Variants in IPO7 observed in about 807,000 individuals in gnomAD.
IPO7 encodes importin 7.
A neutral mutation model predicts 136.4 loss-of-function variants in IPO7; 13 were observed. That is an observed-to-expected ratio of 0.10 (90% CI 0.06 to 0.15). The LOEUF is 0.15. Among genes scored for constraint, IPO7 ranks in the 10% least tolerant of loss-of-function variants. The probability of loss-of-function intolerance (pLI) is 1.00; values close to 1 mark genes in which losing one functional copy is unlikely to be tolerated. For missense variants in IPO7, 857 were observed against 1,240.6 expected (o/e 0.69, Z 4.65); for synonymous variants, 403 against 404.4 (o/e 1.00, Z 0.04).
chr11:9,393,788 A>G (rs1486130918), intron 1 of IPO7, among the ~76,000 whole-genome samples: 1 of 152,178 alleles, frequency 6.6e-6, no homozygotes, highest in Non-Finnish European at 1.5e-5. Context: ...GGGTGTTGAT[A>G]CTCCTAAATG....
chr11:9,432,119 C>A (rs1855302573), intron 16 of IPO7, among the ~76,000 whole-genome samples: 1 of 151,986 alleles, frequency 6.6e-6, no homozygotes, highest in Non-Finnish European at 1.5e-5. Flanking sequence ...AATTCCAATG[C>A]AGATGCTTGT....
At chr11:9,429,378 T>C (rs1321152555) in intron 14 of IPO7, among the ~76,000 whole-genome samples, 182 bp downstream of exon 14, 1 of 152,002 alleles carries the variant, frequency 6.6e-6, no homozygotes, top group Non-Finnish European at 1.5e-5. Flanking sequence ...TAGTGGCATG[T>C]ACCTGTAGTG....
intron 15 of IPO7, 40 bp from the exon 16 acceptor site, chr11:9,430,835 G>C: frequency 6.3e-7 from 1 of 1,588,448 alleles, no homozygotes. Flanking sequence ...TATTTATAAT[G>C]CTTCAGTGAC....
intron 1 of IPO7, chr11:9,392,142 G>A (rs1415160020): frequency 2.7e-6 from 1 of 372,112 alleles, no homozygotes; most frequent in African/African-American, 2.2e-5. Context: ...TGTAGCCAAG[G>A]TAGATGTCAT....
At chr11:9,432,346 C>G (rs561250449) in intron 16 of IPO7, among the ~76,000 whole-genome samples, 1 of 151,836 alleles carries the variant, frequency 6.6e-6, no homozygotes, top group East Asian at 1.9e-4. Context: ...GGAGTGCAGG[C>G]GCGCACCACC....
intron 1 of IPO7, among the ~76,000 whole-genome samples, chr11:9,396,104 T>A (rs1025464513): frequency 4.4e-4 from 67 of 152,026 alleles, no homozygotes; most frequent in African/African-American, 1.6e-3. Flanking sequence ...TAATAAAGTG[T>A]TGAGTGTTGG....
chr11:9,389,765 C>CT (rs779473412), intron 1 of IPO7, among the ~76,000 whole-genome samples: 226 of 144,850 alleles, frequency 1.6e-3, no homozygotes, highest in South Asian at 0.011. Flanking sequence ...GTATATACAC[C>CT]TTTTTTTTTT....
intron 22 of IPO7, among the ~76,000 whole-genome samples, chr11:9,439,783 C>T (rs1219345236): frequency 6.6e-6 from 1 of 152,066 alleles, no homozygotes; most frequent in African/African-American, 2.4e-5. Context: ...CCGTGTTGGC[C>T]AGGGTGGTCT....
chr11:9,406,250 G>T (rs55871422), intron 2 of IPO7, among the ~76,000 whole-genome samples: 1 of 150,694 alleles, frequency 6.6e-6, no homozygotes, highest in Admixed American at 6.6e-5. Context: ...TGATCCTCTC[G>T]CCTCAGCCTT....
chr11:9,441,557 G>C (rs1471284982), intron 23 of IPO7, among the ~76,000 whole-genome samples: 1 of 152,168 alleles, frequency 6.6e-6, no homozygotes, highest in Non-Finnish European at 1.5e-5. Flanking sequence ...TTTGATGCAA[G>C]GTTACAGAAG....
At chr11:9,405,888 T>TGTCTTCCTTC (rs1564994532) in intron 2 of IPO7, among the ~76,000 whole-genome samples, 1 of 151,768 alleles carries the variant, frequency 6.6e-6, no homozygotes, top group Non-Finnish European at 1.5e-5. Flanking sequence ...TCCCTCCTTC[T>TGTCTTCCTTC]CTTCCTTCCT....
intron 22 of IPO7, among the ~76,000 whole-genome samples, chr11:9,439,597 GA>G (rs1855432085): frequency 6.6e-6 from 1 of 151,040 alleles, no homozygotes; most frequent in East Asian, 2.0e-4. Context: ...TGTTGTTGTT[GA>G]GACGGAATCT....
intron 1 of IPO7, among the ~76,000 whole-genome samples, chr11:9,394,852 T>G (rs911262610): frequency 6.6e-6 from 1 of 152,196 alleles, no homozygotes; most frequent in African/African-American, 2.4e-5. Flanking sequence ...TAAGTGTGAC[T>G]ATTGAAATTA....
chr11:9,422,053 G>A (rs1855140077), intron 8 of IPO7, among the ~76,000 whole-genome samples: 1 of 152,212 alleles, frequency 6.6e-6, no homozygotes, highest in Non-Finnish European at 1.5e-5. Context: ...GCCATGGCAG[G>A]CAGATCACCT....
At chr11:9,390,128 T>A (rs1416064132) in intron 1 of IPO7, among the ~76,000 whole-genome samples, 1 of 152,156 alleles carries the variant, frequency 6.6e-6, no homozygotes, top group African/African-American at 2.4e-5. Flanking sequence ...TGACCTCAGG[T>A]GATCCGTCCG....
chr11:9,406,330 C>T (rs1369283350), intron 2 of IPO7, among the ~76,000 whole-genome samples: 5 of 151,744 alleles, frequency 3.3e-5, no homozygotes, highest in Admixed American at 2.0e-4. Flanking sequence ...ATATTCAAGT[C>T]TCATTTATCT....
chr11:9,436,408 C>A (rs1055961268), intron 20 of IPO7, 42 bp downstream of exon 20: 10 of 1,308,796 alleles, frequency 7.6e-6, no homozygotes, highest in African/African-American at 2.9e-5. Context: ...GAGGGGTAAT[C>A]TTTTCCTTCC....
At chr11:9,429,510 A>AAC (rs1554955586) in intron 14 of IPO7, among the ~76,000 whole-genome samples, 164 bp from the exon 15 acceptor site, 1 of 149,884 alleles carries the variant, frequency 6.7e-6, no homozygotes, top group Non-Finnish European at 1.5e-5. Flanking sequence ...CCTCTTATAA[A>AAC]ATATATATAT....
chr11:9,437,190 G>A (rs961949236), intron 20 of IPO7, among the ~76,000 whole-genome samples: 8 of 151,260 alleles, frequency 5.3e-5, no homozygotes, highest in East Asian at 3.9e-4. Flanking sequence ...CCCGGCCCAC[G>A]GTCAATTTTA....
Sources: gnomAD v4.1 joint callset for allele counts (sites outside exome capture counted in the v4.1 genomes callset) on GRCh38, gnomAD v4.1.1 for gene constraint, MANE v1.5 for transcripts, NCBI Gene and HGNC (gene_info 2026-07-23, HGNC 2026-07-21) for gene names.